Variants in DYNC2H1 observed in about 807,000 individuals in gnomAD.
DYNC2H1 encodes the protein cytoplasmic dynein 2 heavy chain 1.
DYNC2H1 carries 410 observed loss-of-function variants against 570.0 expected under a neutral mutation model. The observed-to-expected ratio is 0.72, with a 90% CI of 0.66 to 0.78. The LOEUF (loss-of-function observed/expected upper bound fraction) is 0.78. Among genes scored for constraint, DYNC2H1 ranks in the 30% least tolerant of loss-of-function variants. The probability of loss-of-function intolerance (pLI) is 0.00; values close to 1 mark genes in which losing one functional copy is unlikely to be tolerated. For synonymous variants in DYNC2H1, 1,688 were observed against 1,677.6 expected (o/e 1.01, Z -0.15); for missense variants, 4,865 against 5,046.4 (o/e 0.96, Z 1.09).
rs1251722780 is a variant in DYNC2H1 at position 103,163,134 on chromosome 11, T to A, written c.4598T>A (p.Leu1533Gln). 2.5e-6 allele frequency: 4 copies of A among 1,611,684 alleles called. No individual in the cohort carries two copies. In the African/African-American group the frequency reaches 5.3e-5, roughly 22 times the overall value. Reference protein sequence around the residue: ...RSSQGAVDPSLFPSQILCLAE... With the variant: ...RSSQGAVDPSQFPSQILCLAE... ...TCTCAAGGTGCAGTTGACCCATCTC[T>A]GTTCCCTTCACAGGTAAGGGGGCTT... The change falls in exon 30 of 89, where the codon CTG becomes CAG. Residue 1533 changes from leucine (L) to glutamine (Q), a missense_variant. Leu to Gln is a moderately radical substitution (Grantham distance 113). Coordinates refer to ENST00000375735, the MANE Select transcript of DYNC2H1 (RefSeq NM_001377.3). This position sits in a 1 kb window ranked among gnomAD's most constrained non-coding sequence, Gnocchi z 4.6.
In DYNC2H1 at chr11:103,253,604, TATTTC is replaced by T. The variant is rs778474400; in HGVS notation, c.10206+161_10206+165del. Among the ~76,000 whole-genome samples, 11 of 152,314 alleles carry T rather than the reference TATTTC, an allele frequency of 7.2e-5. No individual in the cohort carries two copies. The South Asian group carries it at 2.3e-3, about 32-fold the overall frequency. On this transcript the variant is annotated intron_variant, in intron 66 of 88. Coordinates refer to ENST00000375735, the MANE Select transcript of DYNC2H1 (RefSeq NM_001377.3). ...TATGTTGGAGTGAAGCATTCTGGCTTATTTCATTTATCATATGTATTAGACCTGTA... is the reference window on the plus strand; with the variant it reads ...TATGTTGGAGTGAAGCATTCTGGCTTATTTATCATATGTATTAGACCTGTA...
chr11:103,400,682 C>G (rs1001849852), intron 84 of DYNC2H1, among the ~76,000 whole-genome samples: 7 of 151,134 alleles, frequency 4.6e-5, no homozygotes, highest in African/African-American at 1.7e-4. Flanking sequence ...CGCCCCCTTG[C>G]TGTTTGTACT....
In DYNC2H1 at chr11:103,205,139, G is replaced by A. The variant is rs535870268; in HGVS notation, c.8454+175G>A. 5.3e-5 allele frequency among the ~76,000 whole-genome samples: 8 copies of A among 152,194 alleles called. No individual in the cohort carries two copies. Among genetic ancestry groups the A allele is most frequent in the Admixed American group, 4.6e-4 (7 of 15,282 alleles). ...CTCTTGCATCATAATTTAGTTGAATGTAGAATTTTAGATTGAGGATCATGT... is the reference window on the plus strand; with the variant it reads ...CTCTTGCATCATAATTTAGTTGAATATAGAATTTTAGATTGAGGATCATGT... On this transcript the variant is annotated intron_variant, in intron 52 of 88. Coordinates refer to ENST00000375735, the MANE Select transcript of DYNC2H1 (RefSeq NM_001377.3). This position sits in a 1 kb window ranked among gnomAD's most constrained non-coding sequence, Gnocchi z 4.5.
chr11:103,430,244 GT>G (rs1167030532), intron 84 of DYNC2H1, among the ~76,000 whole-genome samples: 1 of 151,986 alleles, frequency 6.6e-6, no homozygotes, highest in South Asian at 2.1e-4. Flanking sequence ...GTACTAGAGT[GT>G]TTTTTTGTGC....
intron 43 of DYNC2H1, 112 bp from the exon 44 acceptor site, chr11:103,188,385 A>G: frequency 1.4e-6 from 1 of 724,088 alleles, no homozygotes; most frequent in Non-Finnish European, 2.1e-6. Flanking sequence ...TTCTTGAGTT[A>G]GATAGATGAT....
chr11:103,426,612 A>ATATGTAAGAT (rs1297508424), intron 84 of DYNC2H1, among the ~76,000 whole-genome samples: 3 of 152,210 alleles, frequency 2.0e-5, no homozygotes, highest in African/African-American at 7.2e-5. Context: ...TTGGAAGACT[A>ATATGTAAGAT]TATGTAAGAT....
At chr11:103,371,390 A>G (rs1478548518) in intron 83 of DYNC2H1, among the ~76,000 whole-genome samples, 1 of 152,200 alleles carries the variant, frequency 6.6e-6, no homozygotes, top group Non-Finnish European at 1.5e-5. Context: ...AAGTTTATTC[A>G]AAAGGATAAT....
Position 103,203,757 on chromosome 11 carries a change from C to T in DYNC2H1, c.8292C>T (p.Val2764=). The T allele has an allele frequency of 1.2e-6, 2 of 1,606,626 alleles. No homozygotes were observed. The highest frequency in any genetic ancestry group is 1.7e-6 in the Non-Finnish European group (2 of 1,175,680). The change falls in exon 51 of 89, where the codon GTC becomes GTT. Residue 2764 remains valine (V), a synonymous_variant. Transcript: ENST00000375735. This position sits in a 1 kb window ranked among gnomAD's most constrained non-coding sequence, Gnocchi z 4.7. ...QASQDGFFGP[V]FNYFTYRIQQ... is the part of the protein sequence containing the mutation. ...CACAAGATGGTTTTTTTGGACCAGT[C>T]TTCAATTACTTCACATATAGTAAGT... is the stretch of plus-strand genomic sequence containing the variant.
intron 54 of DYNC2H1, among the ~76,000 whole-genome samples, 188 bp from the exon 55 acceptor site, chr11:103,215,533 C>A (rs538175197): frequency 2.0e-4 from 31 of 152,248 alleles, no homozygotes; most frequent in African/African-American, 6.5e-4. Flanking sequence ...TCTTTAACTA[C>A]ATCTTAATGA....
Position 103,334,380 on chromosome 11 carries a change from GTTGTAAATCAATTATAAA to G in DYNC2H1, c.12039+10404_12039+10421del, listed in dbSNP as rs1167903266. 6.6e-6 allele frequency among the ~76,000 whole-genome samples: 1 copy of G among 152,116 alleles called. No homozygotes were observed. Among genetic ancestry groups the G allele is most frequent in the African/African-American group, 2.4e-5 (1 of 41,440 alleles). The stretch of plus-strand genomic sequence containing the variant: ...CAGAATTTGGCTACAAGGAATATCT[GTTGTAAATCAATTATAAA>G]TTGTAAATCAATTGTAAATTGGATA... On this transcript the variant is annotated intron_variant, in intron 82 of 88. Coordinates refer to ENST00000375735, the MANE Select transcript of DYNC2H1 (RefSeq NM_001377.3). This position sits in a 1 kb window ranked among gnomAD's most constrained non-coding sequence, Gnocchi z 4.3.
Position 103,256,082 on chromosome 11 carries a change from T to G in DYNC2H1, c.10327-24T>G. On this transcript the variant is annotated intron_variant, in intron 67 of 88. Transcript: ENST00000375735. The surrounding 1 kb of genome is among the most constrained non-coding windows in gnomAD (Gnocchi z 4.0). ...GTTATTTTTATATGTATAATAATAT[T>G]CATATTGTTAACTTTCCCTACAGAC... is the stretch of plus-strand genomic sequence containing the variant. 6.4e-7 allele frequency: 1 copy of G among 1,559,722 alleles called. No homozygotes were observed. Among genetic ancestry groups the G allele is most frequent in the Non-Finnish European group, 8.7e-7 (1 of 1,147,732 alleles).
In DYNC2H1 at chr11:103,412,148, A is replaced by T. The variant is rs570678376; in HGVS notation, c.12366+12276A>T. Among the ~76,000 whole-genome samples the T allele has an allele frequency of 2.1e-4, 6 of 28,126 alleles. No individual in the cohort carries two copies. In the African/African-American group the frequency reaches 5.5e-3, roughly 26 times the overall value. 18.5% of individuals were successfully genotyped at this position (28,126 alleles called of 152,430 possible). A position where few individuals can be genotyped will look rare whatever the true frequency, so the allele number is the denominator to read the frequency against. ...CCATTTATTTCAAAATAAAAGTTAA[A>T]TTTTTGTTAAATTTTTGTTACATTT... On this transcript the variant is annotated intron_variant, in intron 84 of 88. Transcript: ENST00000375735.
chr11:103,240,865 A>G (rs1169362089), intron 63 of DYNC2H1, among the ~76,000 whole-genome samples: 1 of 152,126 alleles, frequency 6.6e-6, no homozygotes, highest in African/African-American at 2.4e-5. Context: ...GACATGGCAT[A>G]AAAAGCTGAT....
chr11:103,269,245 G>T (rs950707390), intron 70 of DYNC2H1, among the ~76,000 whole-genome samples: 3 of 152,084 alleles, frequency 2.0e-5, no homozygotes, highest in Admixed American at 1.3e-4. Context: ...TTCTGTTTGA[G>T]TAATATTAAA....
rs1271921652 is a variant in DYNC2H1, at chr11:103,204,806, C to A, written c.8312-16C>A. 2 of 1,566,122 alleles carry A rather than the reference C, an allele frequency of 1.3e-6. No homozygotes were observed. Among genetic ancestry groups the A allele is most frequent in the East Asian group, 2.4e-5 (1 of 42,374 alleles). ...TAGATTGCCTGATTGTATTATTATT[C>A]TTATATATTTCTTAGGAATTCAGCA... On this transcript the variant is annotated splice_polypyrimidine_tract_variant and intron_variant, in intron 51 of 88. Coordinates refer to ENST00000375735, the MANE Select transcript of DYNC2H1 (RefSeq NM_001377.3). The surrounding 1 kb of genome is among the most constrained non-coding windows in gnomAD (Gnocchi z 4.1).
chr11:103,245,934 A>G lies in DYNC2H1; in HGVS notation c.10042+560A>G, dbSNP rs957272329. Reference sequence around the variant, plus strand: ...CACATACATATGTAGACGTGTACATATACGTACGTGAATGTATGCCACATA... The same window carrying G: ...CACATACATATGTAGACGTGTACATGTACGTACGTGAATGTATGCCACATA... On this transcript the variant is annotated intron_variant, in intron 65 of 88. Transcript: ENST00000375735. This position sits in a 1 kb window ranked among gnomAD's most constrained non-coding sequence, Gnocchi z 4.5. Among the ~76,000 whole-genome samples the G allele has an allele frequency of 2.0e-5, 3 of 152,150 alleles. No homozygotes were observed. In the South Asian group the frequency reaches 6.2e-4, roughly 31 times the overall value.
At chr11:103,200,731 A>G (rs937460978) in intron 50 of DYNC2H1, among the ~76,000 whole-genome samples, 1 of 152,228 alleles carries the variant, frequency 6.6e-6, no homozygotes, top group Non-Finnish European at 1.5e-5. Flanking sequence ...TGTGTCTGGA[A>G]TATAGTTGCA....
intron 82 of DYNC2H1, among the ~76,000 whole-genome samples, chr11:103,352,159 T>C (rs889838055): frequency 3.3e-5 from 5 of 152,096 alleles, no homozygotes; most frequent in Non-Finnish European, 7.4e-5. Flanking sequence ...CCATTTAATC[T>C]GGTAAGAAAT....
chr11:103,247,468 G>A (rs939655260), intron 65 of DYNC2H1, among the ~76,000 whole-genome samples: 5 of 152,056 alleles, frequency 3.3e-5, no homozygotes, highest in Admixed American at 1.3e-4. Flanking sequence ...CCAATGGCCC[G>A]AAGACTGGTA....
Sources: allele counts gnomAD v4.1 joint callset (sites outside exome capture counted in the v4.1 genomes callset), GRCh38; gene constraint gnomAD v4.1.1; non-coding constraint Gnocchi (gnomAD v3.1); transcripts MANE v1.5; gene names NCBI Gene and HGNC (gene_info 2026-07-23, HGNC 2026-07-21).